TMEM131L: variants seen among roughly 807,000 people sequenced by gnomAD.
The protein encoded by TMEM131L is transmembrane 131 like, also known as transmembrane protein 131-like.
Under a neutral mutation model 192.2 loss-of-function variants are expected in TMEM131L, and 54 were observed. The ratio of observed to expected loss-of-function variants is 0.28; its 90% confidence interval spans 0.23 to 0.35. The LOEUF (loss-of-function observed/expected upper bound fraction) is 0.35, where lower values mean the gene tolerates loss of function less well. Among genes scored for constraint, TMEM131L ranks in the 10% least tolerant of loss-of-function variants. The pLI is 1.00. For missense variants in TMEM131L, 1,888 were observed against 1,972.9 expected (o/e 0.96, Z 0.82); for synonymous variants, 701 against 704.9 (o/e 0.99, Z 0.09).
intron 25 of TMEM131L, among the ~76,000 whole-genome samples, chr4:153,612,023 C>CT (rs926898629): frequency 6.6e-6 from 1 of 151,928 alleles, no homozygotes; most frequent in African/African-American, 2.4e-5. Flanking sequence ...GGTGTCCCCC[C>CT]CCACCTTTTT....
At chr4:153,586,164 A>G in intron 13 of TMEM131L, 45 bp from the exon 14 acceptor site, 2 of 1,345,068 alleles carry the variant, frequency 1.5e-6, no homozygotes, top group South Asian at 3.0e-5. Context: ...TTTAATCATA[A>G]TTAGTGTTAG....
chr4:153,621,904 C>T (rs771111386), intron 28 of TMEM131L, 55 bp downstream of exon 28: 43 of 1,534,070 alleles, frequency 2.8e-5, no homozygotes, highest in Non-Finnish European at 3.3e-5. Flanking sequence ...TTTGTTTCCT[C>T]AATGAAGTAT....
intron 24 of TMEM131L, 145 bp from the exon 25 acceptor site, chr4:153,603,657 A>G (rs965237862): frequency 1.0e-5 from 11 of 1,049,750 alleles, no homozygotes; most frequent in Admixed American, 8.6e-5. Context: ...TCTCATTGGC[A>G]GAAAACTCTT....
intron 25 of TMEM131L, among the ~76,000 whole-genome samples, chr4:153,608,945 C>T (rs995868154): frequency 2.0e-5 from 3 of 152,110 alleles, no homozygotes; most frequent in Admixed American, 6.5e-5. Flanking sequence ...CCATTACCAC[C>T]GTGAAGGGCA....
At chr4:153,624,812 C>T (rs1039033718) in intron 29 of TMEM131L, among the ~76,000 whole-genome samples, 37 of 152,210 alleles carry the variant, frequency 2.4e-4, no homozygotes, top group African/African-American at 8.7e-4. Flanking sequence ...AGAGAATTTC[C>T]TTCAGCAGCC....
chr4:153,617,703 C>T (rs1733088254), intron 26 of TMEM131L, among the ~76,000 whole-genome samples: 1 of 152,202 alleles, frequency 6.6e-6, no homozygotes, highest in Non-Finnish European at 1.5e-5. Flanking sequence ...ACACAGTGAA[C>T]AGGATCCTGC....
chr4:153,629,961 C>T (rs1734101861), intron 31 of TMEM131L, among the ~76,000 whole-genome samples: 1 of 152,226 alleles, frequency 6.6e-6, no homozygotes, highest in African/African-American at 2.4e-5. Flanking sequence ...ATGCAGGAGA[C>T]ATTCACTCTA....
rs145727619 is a variant in TMEM131L at position 153,557,897 on chromosome 4, A to G, written c.550-361A>G. ...TGACTGCAGCCACCTCCCAGGCACAAGCGATTCTCCTGCCTCAGCCTCCCA... is the reference window on the plus strand; with the variant it reads ...TGACTGCAGCCACCTCCCAGGCACAGGCGATTCTCCTGCCTCAGCCTCCCA... On this transcript the variant is annotated intron_variant, in intron 6 of 34. Coordinates refer to ENST00000409959, the MANE Select transcript of TMEM131L (RefSeq NM_001131007.2). 2.4e-3 allele frequency among the ~76,000 whole-genome samples: 358 copies of G among 152,286 alleles called. 2 individuals carry two copies. Among genetic ancestry groups the G allele is most frequent in the African/African-American group, 8.0e-3 (331 of 41,550 alleles).
chr4:153,477,249 G>A (rs1300163960), intron 3 of TMEM131L, among the ~76,000 whole-genome samples: 4 of 152,098 alleles, frequency 2.6e-5, no homozygotes, highest in African/African-American at 4.8e-5. Flanking sequence ...AACTGTGTTC[G>A]GCTGCCTCCT....
chr4:153,480,788 C>T (rs745481626), intron 3 of TMEM131L, among the ~76,000 whole-genome samples: 1 of 152,134 alleles, frequency 6.6e-6, no homozygotes, highest in Non-Finnish European at 1.5e-5. Flanking sequence ...ATGGATCATA[C>T]CTTCTCCCCA....
chr4:153,601,656 G>A (rs1024987692), intron 21 of TMEM131L, among the ~76,000 whole-genome samples: 9 of 152,178 alleles, frequency 5.9e-5, no homozygotes, highest in African/African-American at 1.9e-4. Flanking sequence ...AGTATAAAAT[G>A]TGTTCTCATA....
In TMEM131L at chr4:153,602,238, C is replaced by G. The variant is rs554717014; in HGVS notation, c.2353C>G (p.Leu785Val). 21 of 1,613,410 alleles carry G rather than the reference C, an allele frequency of 1.3e-5. No homozygotes were observed. The East Asian group carries it at 4.2e-4, about 33-fold the overall frequency. Residue 785 changes from leucine to valine, a missense_variant, in exon 22 of 35, where the codon CTG becomes GTG. Transcript: ENST00000409959. ...ACCTCTTCCTATAACTGTTTCGTCT[C>G]TGAAAATTAATGGGTATAACTGCCA... ...IGPLPITVSS[L>V]KINGYNCQGY... is the part of the protein sequence containing the mutation.
chr4:153,602,939 A>G (rs1578844536), intron 23 of TMEM131L, among the ~76,000 whole-genome samples: 1 of 152,370 alleles, frequency 6.6e-6, no homozygotes, highest in Non-Finnish European at 1.5e-5. Context: ...ACCTAGAAGT[A>G]TCATAGACAG....
rs1042938633 is a variant in TMEM131L at position 153,508,020 on chromosome 4, T to C, written c.239+34132T>C. ...CTGGAGGCAAGGAGACTGATTAGAATGTGAAGGCCTGAATTAGGATGGGTT... is the reference window on the plus strand; with the variant it reads ...CTGGAGGCAAGGAGACTGATTAGAACGTGAAGGCCTGAATTAGGATGGGTT... On this transcript the variant is annotated intron_variant, in intron 3 of 34. Coordinates refer to ENST00000409959, the MANE Select transcript of TMEM131L (RefSeq NM_001131007.2). 2.6e-5 allele frequency among the ~76,000 whole-genome samples: 4 copies of C among 152,228 alleles called. No individual in the cohort carries two copies. In the Middle Eastern group the frequency reaches 0.01, roughly 388 times the overall value.
intron 7 of TMEM131L, among the ~76,000 whole-genome samples, chr4:153,567,408 C>T (rs1165855059): frequency 1.3e-5 from 2 of 152,256 alleles, no homozygotes; most frequent in East Asian, 3.9e-4. Flanking sequence ...CAAGATGTAA[C>T]TGTTTTTTGT....
Position 153,583,192 on chromosome 4 carries a change from G to A in TMEM131L, c.895G>A (p.Asp299Asn). The change falls in exon 10 of 35, where the codon GAT (aspartate) becomes AAT (asparagine). Residue 299 changes from aspartate (D) to asparagine (N), a missense_variant and splice_region_variant. Physicochemically the swap from Asp to Asn is conservative, Grantham distance 23 (BLOSUM62 1). Transcript: ENST00000409959. ...VATDESETSD[D>N]SAVNMYILHS... The stretch of plus-strand genomic sequence containing the variant: ...AATACTCTGATTCTTTTGGACAGAT[G>A]ATTCAGCAGTAAATATGTATATATT... 5.6e-6 allele frequency: 8 copies of A among 1,427,680 alleles called. No homozygotes were observed. Among genetic ancestry groups the A allele is most frequent in the Non-Finnish European group, 7.9e-6 (8 of 1,010,540 alleles). 88.4% of individuals were successfully genotyped at this position (1,427,680 alleles called of 1,614,324 possible). A position where few individuals can be genotyped will look rare whatever the true frequency, so the allele number is the denominator to read the frequency against.
intron 33 of TMEM131L, 94 bp from the exon 34 acceptor site, chr4:153,635,338 A>G (rs1734493978): frequency 1.7e-6 from 2 of 1,150,058 alleles, no homozygotes; most frequent in Non-Finnish European, 2.6e-6. Context: ...ACTTGTCAGT[A>G]TAGTGAGACC....
chr4:153,603,396 C>T lies in TMEM131L; in HGVS notation c.2733C>T (p.Ser911=). The change falls in exon 24 of 35, where the codon AGC becomes AGT. Residue 911 remains serine, a synonymous_variant. Coordinates refer to ENST00000409959, the MANE Select transcript of TMEM131L (RefSeq NM_001131007.2). The stretch of plus-strand genomic sequence containing the variant: ...AAACAAGACAGAGGCAAAATGCTAG[C>T]TCCTCTTCACAGCAAAACAATGGTC... ...FMKTRQRQNA[S]SSSQQNNGPM... The T allele has an allele frequency of 1.2e-6, 2 of 1,614,040 alleles. No individual in the cohort carries two copies. The highest frequency in any genetic ancestry group is 1.1e-5 in the South Asian group (1 of 91,082).
intron 3 of TMEM131L, among the ~76,000 whole-genome samples, chr4:153,488,230 A>G (rs955423517): frequency 6.6e-6 from 1 of 152,138 alleles, no homozygotes. Context: ...GCGTGAGTGC[A>G]CCAGTGTGAG....
Sources: allele counts gnomAD v4.1 joint callset (sites outside exome capture counted in the v4.1 genomes callset), GRCh38; gene constraint gnomAD v4.1.1; transcripts MANE v1.5; gene names NCBI Gene and HGNC (gene_info 2026-07-23, HGNC 2026-07-21).